THSD4: variants seen among roughly 807,000 people sequenced by gnomAD.
THSD4 encodes the protein thrombospondin type-1 domain-containing protein 4.
In THSD4, 69 loss-of-function variants were observed where a neutral mutation model predicts 119.0. The ratio of observed to expected loss-of-function variants is 0.58; its 90% CI spans 0.48 to 0.71. The LOEUF (loss-of-function observed/expected upper bound fraction) is 0.71, where lower values mean the gene tolerates loss of function less well. Among genes scored for constraint, THSD4 ranks in the 30% least tolerant of loss-of-function variants. The probability of loss-of-function intolerance (pLI) is 0.00; values close to 1 mark genes in which losing one functional copy is unlikely to be tolerated. For synonymous variants in THSD4, 524 were observed against 540.4 expected (o/e 0.97, Z 0.42); for missense variants, 1,393 against 1,391.1 (o/e 1.00, Z -0.02).
chr15:71,725,714 C>G (rs906985587), intron 8 of THSD4, among the ~76,000 whole-genome samples: 7 of 152,062 alleles, frequency 4.6e-5, no homozygotes, highest in African/African-American at 1.7e-4. Context: ...TTTAAATTTC[C>G]TCAATGGAAT....
chr15:71,206,509 A>T (rs1210062407), intron 3 of THSD4, among the ~76,000 whole-genome samples: 1 of 152,208 alleles, frequency 6.6e-6, no homozygotes, highest in Non-Finnish European at 1.5e-5. Flanking sequence ...TTATGTGGCT[A>T]AAACTAAACC....
At chr15:71,349,390 T>G (rs2045714460) in intron 6 of THSD4, among the ~76,000 whole-genome samples, 1 of 152,162 alleles carries the variant, frequency 6.6e-6, no homozygotes, top group Non-Finnish European at 1.5e-5. Flanking sequence ...ATTTGCACAA[T>G]GTAGAAAACA....
intron 6 of THSD4, among the ~76,000 whole-genome samples, chr15:71,324,644 C>T (rs1318223864): frequency 6.6e-6 from 1 of 152,178 alleles, no homozygotes; most frequent in African/African-American, 2.4e-5. Flanking sequence ...TATTTTGTTC[C>T]TCTTTTATGG....
At position 71,345,285 on chromosome 15, in the gene THSD4, G is replaced by A. The variant is rs188996901; in HGVS notation, c.1016-66402G>A. 3.9e-5 allele frequency among the ~76,000 whole-genome samples: 6 copies of A among 152,146 alleles called. No individual in the cohort carries two copies. In the East Asian group the frequency reaches 1.2e-3, roughly 29 times the overall value. On this transcript the variant is annotated intron_variant, in intron 6 of 17. Coordinates refer to ENST00000261862, the MANE Select transcript of THSD4 (RefSeq NM_024817.3). The stretch of plus-strand genomic sequence containing the variant: ...TACTTGTGGCCTGCCAGATAGAAAG[G>A]GCTTTTCAAGTGCCAGCAGCTCCCA...
At chr15:71,610,479 G>T (rs12903601) in intron 7 of THSD4, among the ~76,000 whole-genome samples, 14,220 of 152,170 alleles carry the variant, frequency 0.093, 845 homozygotes, top group Middle Eastern at 0.15. Context: ...AACTCCTGTG[G>T]CAACAGGATG....
chr15:71,705,496 G>A (rs2052376954), intron 8 of THSD4, among the ~76,000 whole-genome samples: 1 of 152,156 alleles, frequency 6.6e-6, no homozygotes, highest in Non-Finnish European at 1.5e-5. Flanking sequence ...ATGCACAGGA[G>A]TTCCATCATC....
At chr15:71,247,225 TG>T (rs1156531992) in intron 5 of THSD4, among the ~76,000 whole-genome samples, 1 of 151,504 alleles carries the variant, frequency 6.6e-6, no homozygotes, top group Non-Finnish European at 1.5e-5. Context: ...TTATTTTTGT[TG>T]TTTTTTTGTT....
intron 3 of THSD4, among the ~76,000 whole-genome samples, chr15:71,193,004 G>A (rs913406349): frequency 6.6e-6 from 1 of 152,228 alleles, no homozygotes; most frequent in Non-Finnish European, 1.5e-5. Flanking sequence ...AGGTTTAGGA[G>A]AGAAATGAGC....
At chr15:71,127,676 G>C (rs1039875511) in intron 1 of THSD4, among the ~76,000 whole-genome samples, 1 of 152,170 alleles carries the variant, frequency 6.6e-6, no homozygotes, top group Non-Finnish European at 1.5e-5. Context: ...CAATGTTGAG[G>C]ATCTTTTTAT....
At chr15:71,413,046 T>C (rs561832722) in intron 7 of THSD4, among the ~76,000 whole-genome samples, 11 of 152,288 alleles carry the variant, frequency 7.2e-5, no homozygotes, top group African/African-American at 2.6e-4. Context: ...AGTTTCACTC[T>C]TGTTGCCCAG....
intron 8 of THSD4, among the ~76,000 whole-genome samples, chr15:71,664,688 C>T (rs1010970428): frequency 6.6e-6 from 1 of 152,064 alleles, no homozygotes; most frequent in African/African-American, 2.4e-5. Flanking sequence ...TGTTGTTTCT[C>T]TGTGTGTGTC....
chr15:71,208,931 T>A (rs2043867423), intron 3 of THSD4, among the ~76,000 whole-genome samples: 1 of 152,126 alleles, frequency 6.6e-6, no homozygotes, highest in South Asian at 2.1e-4. Context: ...TTTGGAGGAT[T>A]TCATCCAAAA....
intron 10 of THSD4, among the ~76,000 whole-genome samples, chr15:71,734,798 A>G (rs12442316): frequency 6.7e-6 from 1 of 149,116 alleles, no homozygotes; most frequent in Admixed American, 6.7e-5. Context: ...TGAACCTAAA[A>G]CTGCTCTAAA....
intron 8 of THSD4, among the ~76,000 whole-genome samples, chr15:71,683,523 A>G (rs554906524): frequency 6.6e-6 from 1 of 152,150 alleles, no homozygotes; most frequent in Non-Finnish European, 1.5e-5. Flanking sequence ...AAAAAATAAA[A>G]CAGGGGAAGA....
At chr15:71,759,655 T>C (rs1328377515) in intron 15 of THSD4, among the ~76,000 whole-genome samples, 1 of 152,188 alleles carries the variant, frequency 6.6e-6, no homozygotes, top group Non-Finnish European at 1.5e-5. Flanking sequence ...CAAATATCCA[T>C]AGATGTGTGA....
Position 71,724,287 on chromosome 15 carries a change from A to ATTT in THSD4, c.1358-4254_1358-4252dup, listed in dbSNP as rs1555445828. Among the ~76,000 whole-genome samples the ATTT allele has an allele frequency of 3.4e-3, 127 of 37,108 alleles. 7 individuals are homozygous for ATTT. The highest frequency in any genetic ancestry group is 0.011 in the East Asian group (6 of 544). The allele number at this position is 37,108 out of a possible 152,430, so 24.3% of individuals were successfully genotyped here. ...ATGGGATATATATATATATATATAT[A>ATTT]TTTTTTTTTTCCCCCCAAGATGGAA... On this transcript the variant is annotated intron_variant, in intron 8 of 17. Transcript: ENST00000261862.
intron 7 of THSD4, among the ~76,000 whole-genome samples, chr15:71,413,759 ACAT>A (rs2046721148): frequency 6.6e-6 from 1 of 152,228 alleles, no homozygotes; most frequent in Non-Finnish European, 1.5e-5. Flanking sequence ...GAGGCAGGAA[ACAT>A]CATGGGAAAC....
chr15:71,685,027 CTT>C (rs2051877643), intron 8 of THSD4, among the ~76,000 whole-genome samples: 2 of 151,968 alleles, frequency 1.3e-5, no homozygotes, highest in Non-Finnish European at 2.9e-5. Context: ...ATCAAATTCA[CTT>C]TTAATTTCAG....
chr15:71,483,969 G>C (rs2047775692), intron 7 of THSD4, among the ~76,000 whole-genome samples: 1 of 152,134 alleles, frequency 6.6e-6, no homozygotes, highest in Non-Finnish European at 1.5e-5. Flanking sequence ...CTAGGGAAGG[G>C]AGACACCATT....
Sources: gnomAD v4.1 joint callset for allele counts (sites outside exome capture counted in the v4.1 genomes callset) on GRCh38, gnomAD v4.1.1 for gene constraint, MANE v1.5 for transcripts, NCBI Gene and HGNC (gene_info 2026-07-23, HGNC 2026-07-21) for gene names.